Variants in TASP1 observed in about 807,000 individuals in gnomAD.
The protein encoded by TASP1 is threonine aspartase 1.
In TASP1, 16 loss-of-function variants were observed where a neutral mutation model predicts 56.6. The ratio of observed to expected loss-of-function variants is 0.28; its 90% CI spans 0.19 to 0.43. TASP1 has a LOEUF of 0.43. Ranked by LOEUF, TASP1 falls within the 20% of genes least tolerant of loss-of-function variation. The pLI is 1.00. For synonymous variants in TASP1, 179 were observed against 184.2 expected, an observed-to-expected ratio of 0.97 and a Z score of 0.23; for missense variants, 393 against 511.6, an observed-to-expected ratio of 0.77 and a Z score of 2.24.
chr20:13,538,142 A>C (rs937566719), intron 8 of TASP1, among the ~76,000 whole-genome samples: 4 of 152,042 alleles, frequency 2.6e-5, no homozygotes, highest in East Asian at 1.9e-4. Flanking sequence ...AGGGGGATTA[A>C]AGGCACCCAC....
the TASP1 span, among the ~76,000 whole-genome samples, chr20:13,333,459 G>A: frequency 9.9e-5 from 15 of 152,184 alleles, no homozygotes; most frequent in African/African-American, 3.1e-4. Flanking sequence ...ATATTTTAGG[G>A]AAAGGTCAGT....
At position 13,541,585 on chromosome 20, in the gene TASP1, A is replaced by C. The variant is rs145109924; in HGVS notation, c.676-7444T>G. On this transcript the variant is annotated intron_variant, in intron 8 of 13. Transcript: ENST00000337743. ...TCTCATCACCTTCTAAAATGATAGAATGCTCATATCATTTACATTGCCCAT... is the reference window on the plus strand; with the variant it reads ...TCTCATCACCTTCTAAAATGATAGACTGCTCATATCATTTACATTGCCCAT... 3.8e-4 allele frequency among the ~76,000 whole-genome samples: 58 copies of C among 152,226 alleles called. 1 individual carries two copies. In the East Asian group the frequency reaches 0.011, roughly 29 times the overall value.
At chr20:13,515,910 A>G (rs964327916) in intron 10 of TASP1, among the ~76,000 whole-genome samples, 1 of 152,110 alleles carries the variant, frequency 6.6e-6, no homozygotes, top group Non-Finnish European at 1.5e-5. Flanking sequence ...GCATGACTTT[A>G]AAGTACACAC....
intron 10 of TASP1, among the ~76,000 whole-genome samples, chr20:13,526,452 T>C (rs560838367): frequency 6.6e-6 from 1 of 152,294 alleles, no homozygotes; most frequent in Admixed American, 6.5e-5. Flanking sequence ...CTAAATTATG[T>C]TCACAGCCTA....
At chr20:13,391,734 G>A (rs112174776) in intron 13 of TASP1, among the ~76,000 whole-genome samples, 4,583 of 152,128 alleles carry the variant, frequency 0.03, 219 homozygotes, top group African/African-American at 0.1. Context: ...TTGGGAGGCC[G>A]AGGCGGGCAG....
the TASP1 span, among the ~76,000 whole-genome samples, chr20:13,332,548 T>C: frequency 6.6e-6 from 1 of 152,196 alleles, no homozygotes; most frequent in Non-Finnish European, 1.5e-5. Context: ...CTCATACATG[T>C]GTATGTATTT....
chr20:13,492,836 A>G (rs1005601246), intron 10 of TASP1, among the ~76,000 whole-genome samples: 11 of 152,348 alleles, frequency 7.2e-5, no homozygotes, highest in African/African-American at 2.6e-4. Flanking sequence ...TAGAGATATC[A>G]TCTCTTACAA....
chr20:13,304,655 T>A, the TASP1 span, among the ~76,000 whole-genome samples: 3 of 152,166 alleles, frequency 2.0e-5, no homozygotes, highest in African/African-American at 7.2e-5. Context: ...TGAGTGCCTG[T>A]CAGTCAACTG....
At chr20:13,597,992 T>G (rs1217834414) in intron 4 of TASP1, among the ~76,000 whole-genome samples, 4 of 151,424 alleles carry the variant, frequency 2.6e-5, no homozygotes, top group Non-Finnish European at 4.4e-5. Context: ...GAAGGACCTC[T>G]TCAAGGAGAA....
At chr20:13,268,271 C>T in the TASP1 span, among the ~76,000 whole-genome samples, 6 of 151,234 alleles carry the variant, frequency 4.0e-5, no homozygotes, top group South Asian at 2.1e-4. Flanking sequence ...TCTTCTCTCT[C>T]GCTCCTTCTC....
At chr20:13,587,409 T>TA (rs750294737) in intron 4 of TASP1, 39 bp from the exon 5 acceptor site, 14 of 1,530,958 alleles carry the variant, frequency 9.1e-6, no homozygotes, top group South Asian at 1.2e-5. Context: ...TCATTAGTCT[T>TA]AAAAAAAGTA....
At chr20:13,186,911 G>C in the TASP1 span, among the ~76,000 whole-genome samples, 2 of 152,184 alleles carry the variant, frequency 1.3e-5, no homozygotes, top group African/African-American at 4.8e-5. Flanking sequence ...ACTTAGATGT[G>C]ATACAGATGT....
In TASP1 at chr20:13,435,089, A is replaced by T. The variant is rs2042956085; in HGVS notation, c.1051T>A (p.Cys351Ser). ...GGVIVLRSCR[C>S]SAEPDSSQNK... is the part of the protein sequence containing the mutation. The stretch of plus-strand genomic sequence containing the variant: ...TGGGAGGAGTCAGGCTCGGCAGAAC[A>T]TCTGCATGAACGGAGGACAATCACT... Residue 351 changes from cysteine to serine, a missense_variant, in exon 12 of 14, where the codon TGT becomes AGT. Transcript: ENST00000337743. The T allele has an allele frequency of 1.9e-6, 3 of 1,611,138 alleles. No individual in the cohort carries two copies. The highest frequency in any genetic ancestry group is 8.5e-7 in the Non-Finnish European group (1 of 1,178,696).
the TASP1 span, among the ~76,000 whole-genome samples, chr20:13,298,314 C>A: frequency 6.6e-6 from 1 of 152,048 alleles, no homozygotes; most frequent in Admixed American, 6.5e-5. Flanking sequence ...ACCTTGTTGG[C>A]CAGGCTGGTC....
chr20:13,241,534 G>A, the TASP1 span, among the ~76,000 whole-genome samples: 1 of 152,076 alleles, frequency 6.6e-6, no homozygotes, highest in African/African-American at 2.4e-5. Context: ...TGTAACAATT[G>A]GGAAGAGAAA....
chr20:13,470,570 T>C (rs1007907097), intron 11 of TASP1, among the ~76,000 whole-genome samples: 1 of 152,198 alleles, frequency 6.6e-6, no homozygotes, highest in Non-Finnish European at 1.5e-5. Flanking sequence ...AGAAAAATGA[T>C]TTATTTTGCA....
At chr20:13,393,149 C>T (rs1407858341) in intron 13 of TASP1, 2 of 661,856 alleles carry the variant, frequency 3.0e-6, no homozygotes, top group African/African-American at 3.6e-5. Flanking sequence ...GCTTAGCACC[C>T]CTGGCCAAAG....
chr20:13,141,669 T>TA, the TASP1 span, among the ~76,000 whole-genome samples: 5 of 152,204 alleles, frequency 3.3e-5, no homozygotes, highest in Non-Finnish European at 7.3e-5. Flanking sequence ...TAAATACATT[T>TA]GCCACTTGGT....
At chr20:13,372,523 T>C in the TASP1 span, among the ~76,000 whole-genome samples, 1 of 151,364 alleles carries the variant, frequency 6.6e-6, no homozygotes, top group Admixed American at 6.6e-5. Flanking sequence ...AACTATATCA[T>C]GTTATATATG....
Sources: allele counts gnomAD v4.1 joint callset (sites outside exome capture counted in the v4.1 genomes callset), GRCh38; gene constraint gnomAD v4.1.1; transcripts MANE v1.5; gene names NCBI Gene and HGNC (gene_info 2026-07-23, HGNC 2026-07-21).